Variants in NCAM1 observed in about 807,000 individuals in gnomAD.
NCAM1 encodes the protein antigen recognized by monoclonal antibody 5.1H11.
In NCAM1, 14 loss-of-function variants were observed where a neutral mutation model predicts 109.8. The observed-to-expected ratio is 0.13, with a 90% confidence interval of 0.08 to 0.20. The LOEUF is 0.20. Ranked by LOEUF, NCAM1 falls within the 10% of genes least tolerant of loss-of-function variation. The pLI is 1.00. For synonymous variants in NCAM1, 418 were observed against 442.9 expected, an observed-to-expected ratio of 0.94 and a Z score of 0.70; for missense variants, 774 against 1,109.9, an observed-to-expected ratio of 0.70 and a Z score of 4.30.
chr11:113,030,524 G>A (rs1457766808), intron 1 of NCAM1, among the ~76,000 whole-genome samples: 1 of 152,168 alleles, frequency 6.6e-6, no homozygotes, highest in Non-Finnish European at 1.5e-5. Context: ...CAATTGACAT[G>A]TAAATATGAT....
intron 1 of NCAM1, among the ~76,000 whole-genome samples, chr11:113,182,264 A>G (rs1555108102): frequency 1.3e-5 from 2 of 152,180 alleles, no homozygotes; most frequent in East Asian, 1.9e-4. Context: ...CCAGATGGCA[A>G]TATGTCCAGG....
intron 1 of NCAM1, among the ~76,000 whole-genome samples, chr11:113,001,667 C>T (rs2134990596): frequency 6.6e-6 from 1 of 152,254 alleles, no homozygotes; most frequent in Admixed American, 6.5e-5. Context: ...TGACTTGTCT[C>T]ATTTGCCATT....
chr11:113,150,511 T>C (rs1555102283), intron 1 of NCAM1, among the ~76,000 whole-genome samples: 1 of 152,184 alleles, frequency 6.6e-6, no homozygotes, highest in East Asian at 1.9e-4. Context: ...CCACAAGGCT[T>C]TATTAAGCAT....
At chr11:113,027,216 G>A (rs1292218255) in intron 1 of NCAM1, among the ~76,000 whole-genome samples, 1 of 152,168 alleles carries the variant, frequency 6.6e-6, no homozygotes, top group Non-Finnish European at 1.5e-5. Flanking sequence ...CAAAAGCCTA[G>A]GAATTATGTT....
intron 1 of NCAM1, among the ~76,000 whole-genome samples, chr11:113,135,764 A>G (rs1316827427): frequency 6.6e-6 from 1 of 152,224 alleles, no homozygotes; most frequent in Non-Finnish European, 1.5e-5. Flanking sequence ...CCACTTACCG[A>G]TTAGACTGTT....
chr11:113,161,327 G>A (rs955662255), intron 1 of NCAM1, among the ~76,000 whole-genome samples: 2 of 152,056 alleles, frequency 1.3e-5, no homozygotes, highest in African/African-American at 4.8e-5. Context: ...CATCTACATA[G>A]TATTTTAAAA....
chr11:113,112,474 A>G (rs959558881), intron 1 of NCAM1, among the ~76,000 whole-genome samples: 35 of 152,220 alleles, frequency 2.3e-4, no homozygotes, highest in African/African-American at 8.4e-4. Flanking sequence ...GGCTAATGAC[A>G]GTTTTCCTGC....
chr11:113,001,082 C>G (rs1951743176), intron 1 of NCAM1, among the ~76,000 whole-genome samples: 1 of 151,960 alleles, frequency 6.6e-6, no homozygotes, highest in South Asian at 2.1e-4. Context: ...TCCGTGAGCC[C>G]TCTAGTCAGT....
chr11:113,103,175 ATTAT>A (rs1372552842), intron 1 of NCAM1, among the ~76,000 whole-genome samples: 28 of 152,168 alleles, frequency 1.8e-4, no homozygotes, highest in African/African-American at 5.8e-4. Flanking sequence ...GTTTCTGTTC[ATTAT>A]TTATTCTATT....
chr11:113,252,270 G>A (rs2137531177), intron 15 of NCAM1, among the ~76,000 whole-genome samples: 1 of 152,164 alleles, frequency 6.6e-6, no homozygotes, highest in East Asian at 1.9e-4. Context: ...GCCGAGTGTG[G>A]TGGCATGTGC....
chr11:113,177,271 C>T (rs1173861090), intron 1 of NCAM1, among the ~76,000 whole-genome samples: 3 of 152,196 alleles, frequency 2.0e-5, no homozygotes, highest in Admixed American at 6.5e-5. Context: ...AGAACATCAG[C>T]TCTTCCAGCC....
At chr11:113,243,039 C>T (rs1454173186) in intron 14 of NCAM1, 2 of 923,450 alleles carry the variant, frequency 2.2e-6, no homozygotes, top group African/African-American at 3.6e-5. Context: ...CAAGCATCAG[C>T]AAAAGAACGG....
chr11:113,087,471 G>C (rs369431434), intron 1 of NCAM1, among the ~76,000 whole-genome samples: 1 of 152,134 alleles, frequency 6.6e-6, no homozygotes, highest in East Asian at 1.9e-4. Context: ...TAATTCTCTA[G>C]CTTCTCAACT....
intron 1 of NCAM1, among the ~76,000 whole-genome samples, chr11:113,052,807 C>A (rs912597850): frequency 6.6e-6 from 1 of 152,102 alleles, no homozygotes; most frequent in Non-Finnish European, 1.5e-5. Flanking sequence ...AGGTATTAAG[C>A]CCAGCATGCA....
intron 1 of NCAM1, among the ~76,000 whole-genome samples, chr11:112,976,811 A>T (rs1951020244): frequency 6.6e-6 from 1 of 151,930 alleles, no homozygotes; most frequent in Admixed American, 6.6e-5. Context: ...TCCATATCTA[A>T]CATTTTATCT....
chr11:112,966,713 G>A (rs1950737286), intron 1 of NCAM1, among the ~76,000 whole-genome samples: 1 of 152,220 alleles, frequency 6.6e-6, no homozygotes. Flanking sequence ...TCTCTCAGCT[G>A]CAGATGCTCA....
At chr11:113,203,239 T>C (rs1331125984) in intron 2 of NCAM1, among the ~76,000 whole-genome samples, 7 of 152,206 alleles carry the variant, frequency 4.6e-5, no homozygotes, top group African/African-American at 1.7e-4. Context: ...TTAAATGCTG[T>C]CATGATTTGC....
intron 1 of NCAM1, among the ~76,000 whole-genome samples, chr11:113,035,054 C>T (rs4480572): frequency 0.45 from 68,639 of 151,998 alleles, 16,389 homozygotes; most frequent in East Asian, 0.8. Context: ...CTTTTAACAC[C>T]TTATTCTTTG....
chr11:113,020,367 C>T (rs1169867812), intron 1 of NCAM1, among the ~76,000 whole-genome samples: 4 of 152,136 alleles, frequency 2.6e-5, no homozygotes, highest in African/African-American at 4.8e-5. Context: ...AGTTGGAAGT[C>T]ATTTCCTCAG....
Sources: gnomAD v4.1 joint callset for allele counts (sites outside exome capture counted in the v4.1 genomes callset) on GRCh38, gnomAD v4.1.1 for gene constraint, MANE v1.5 for transcripts, NCBI Gene and HGNC (gene_info 2026-07-23, HGNC 2026-07-21) for gene names.